The following EPHA6 variants were observed in gnomAD, a reference collection of about 807,000 sequenced individuals.
EPHA6 encodes ephrin type-A receptor 6.
A neutral mutation model predicts 112.0 loss-of-function variants in EPHA6; 50 were observed. The ratio of observed to expected loss-of-function variants is 0.45; its 90% CI spans 0.36 to 0.56. EPHA6 has a LOEUF of 0.56. Among genes scored for constraint, EPHA6 ranks in the 20% least tolerant of loss-of-function variants. The probability of loss-of-function intolerance (pLI) is 0.00; values close to 1 mark genes in which losing one functional copy is unlikely to be tolerated. For missense variants in EPHA6, 1,280 were observed against 1,417.4 expected (o/e 0.90, Z 1.56); for synonymous variants, 529 against 490.7 (o/e 1.08, Z -1.03).
chr3:96,899,183 T>G (rs2038463454), intron 2 of EPHA6, among the ~76,000 whole-genome samples: 2 of 152,132 alleles, frequency 1.3e-5, no homozygotes, highest in Admixed American at 6.6e-5. Flanking sequence ...AAGCTTCTAG[T>G]GTTTGCCTGT....
intron 2 of EPHA6, among the ~76,000 whole-genome samples, chr3:96,875,664 A>G (rs1241699805): frequency 6.6e-6 from 1 of 150,382 alleles, no homozygotes; most frequent in Non-Finnish European, 1.5e-5. Flanking sequence ...ATTTTTCAGT[A>G]TCCCCACTGT....
chr3:97,290,368 T>A (rs1186864468), intron 5 of EPHA6, among the ~76,000 whole-genome samples: 1 of 152,110 alleles, frequency 6.6e-6, no homozygotes, highest in African/African-American at 2.4e-5. Context: ...ATGTGGTGGA[T>A]CTTGGAGTGT....
chr3:97,098,662 CAAAG>C (rs1326529869), intron 3 of EPHA6, among the ~76,000 whole-genome samples: 4 of 151,590 alleles, frequency 2.6e-5, no homozygotes, highest in Admixed American at 6.6e-5. Context: ...ACCCTTATGA[CAAAG>C]AAGTCAGTAA....
chr3:97,394,348 G>A (rs929382421), intron 5 of EPHA6, among the ~76,000 whole-genome samples: 1 of 151,812 alleles, frequency 6.6e-6, no homozygotes, highest in African/African-American at 2.4e-5. Context: ...AACACTTCAA[G>A]ACATTGGTCT....
intron 11 of EPHA6, among the ~76,000 whole-genome samples, chr3:97,565,036 A>G (rs572545772): frequency 2.4e-4 from 36 of 152,172 alleles, no homozygotes; most frequent in Non-Finnish European, 3.8e-4. Context: ...CCATATACCA[A>G]GGGGAAAATT....
Position 97,756,192 on chromosome 3 carries a change from C to T in EPHA6, c.*7491C>T, listed in dbSNP as rs745977026. The stretch of plus-strand genomic sequence containing the variant: ...ATGAGGAAGTTTTTCTTTGACTGTG[C>T]ATGCTTTATTTATTACCATATTGTT... On this transcript the variant is annotated 3_prime_UTR_variant, in exon 18 of 18. Coordinates refer to ENST00000389672, the MANE Select transcript of EPHA6 (RefSeq NM_001080448.3). Among the ~76,000 whole-genome samples the T allele has an allele frequency of 1.3e-5, 2 of 151,856 alleles. No individual in the cohort carries two copies. Among genetic ancestry groups the T allele is most frequent in the Non-Finnish European group, 2.9e-5 (2 of 67,818 alleles).
intron 3 of EPHA6, among the ~76,000 whole-genome samples, chr3:97,203,357 C>A (rs1321146884): frequency 6.6e-6 from 1 of 152,026 alleles, no homozygotes; most frequent in Non-Finnish European, 1.5e-5. Context: ...GTTAGAGCCA[C>A]AGGAACTCAC....
chr3:97,336,118 TA>T (rs556643919), intron 5 of EPHA6, among the ~76,000 whole-genome samples: 1 of 152,154 alleles, frequency 6.6e-6, no homozygotes, highest in South Asian at 2.1e-4. Context: ...GCATGACTCC[TA>T]AAGCACAATT....
chr3:96,828,851 C>G (rs902059345), intron 1 of EPHA6, among the ~76,000 whole-genome samples: 3 of 152,110 alleles, frequency 2.0e-5, no homozygotes, highest in Non-Finnish European at 1.5e-5. Context: ...TACACATCCT[C>G]TTGATTTTTA....
At position 97,761,099 on chromosome 3, in the gene EPHA6, G is replaced by T. The variant is rs185618779; in HGVS notation, c.*12398G>T. The T allele has an allele frequency of 9.7e-6, 2 of 206,528 alleles. No homozygotes were observed. Among genetic ancestry groups the T allele is most frequent in the East Asian group, 1.5e-4 (2 of 13,638 alleles). The allele number at this position is 206,528 out of a possible 1,614,324, so 12.8% of individuals were successfully genotyped here. On this transcript the variant is annotated 3_prime_UTR_variant, in exon 18 of 18. Coordinates refer to ENST00000389672, the MANE Select transcript of EPHA6 (RefSeq NM_001080448.3). ...GTAGAGCTATAAACAAGGTAAAAAG[G>T]TGTTAACAATTGAACTGCAATCCTA...
chr3:97,254,511 A>G (rs1205719598), intron 5 of EPHA6, among the ~76,000 whole-genome samples: 2 of 152,122 alleles, frequency 1.3e-5, no homozygotes, highest in East Asian at 1.9e-4. Flanking sequence ...AATTTAAACT[A>G]TAACTGATGT....
chr3:97,668,942 A>AAAAAAAAAAAAC (rs1489495432), intron 14 of EPHA6, among the ~76,000 whole-genome samples: 1 of 149,324 alleles, frequency 6.7e-6, no homozygotes, highest in Non-Finnish European at 1.5e-5. Context: ...AAAAAAAAAA[A>AAAAAAAAAAAAC]AATCCACTAA....
At chr3:97,205,076 T>C (rs1370055232) in intron 3 of EPHA6, among the ~76,000 whole-genome samples, 2 of 152,106 alleles carry the variant, frequency 1.3e-5, no homozygotes, top group Non-Finnish European at 2.9e-5. Context: ...TAAATTCACT[T>C]GTTTCACAAA....
chr3:97,627,781 T>G (rs1303562617), intron 13 of EPHA6, among the ~76,000 whole-genome samples: 1 of 151,910 alleles, frequency 6.6e-6, no homozygotes. Flanking sequence ...ACAGCAATGA[T>G]TCTCATATTT....
chr3:96,944,865 G>A (rs746566280), intron 2 of EPHA6, among the ~76,000 whole-genome samples: 9 of 152,218 alleles, frequency 5.9e-5, no homozygotes, highest in East Asian at 1.9e-4. Context: ...GCTTGAACCC[G>A]GGAGGCAGAG....
intron 14 of EPHA6, among the ~76,000 whole-genome samples, chr3:97,717,072 T>C (rs2034274712): frequency 6.6e-6 from 1 of 151,308 alleles, no homozygotes; most frequent in Non-Finnish European, 1.5e-5. Flanking sequence ...TCTACTAAAA[T>C]ACAAAAAAAT....
Position 97,463,556 on chromosome 3 carries a change from G to A in EPHA6, c.1895-11796G>A, listed in dbSNP as rs537593686. 7.2e-5 allele frequency among the ~76,000 whole-genome samples: 11 copies of A among 152,174 alleles called. No homozygotes were observed. The South Asian group carries it at 1.9e-3, about 26-fold the overall frequency. ...CCAGAGAATAGAAAAGTTATCATAC[G>A]CTCATGAAGCACAAATGTTCTAAGA... On this transcript the variant is annotated intron_variant, in intron 7 of 17. Transcript: ENST00000389672.
intron 3 of EPHA6, among the ~76,000 whole-genome samples, chr3:97,028,714 A>G (rs1447346446): frequency 6.6e-6 from 1 of 152,044 alleles, no homozygotes; most frequent in Non-Finnish European, 1.5e-5. Context: ...TTTAATTTTA[A>G]TATCCTAATA....
chr3:97,276,813 T>C (rs2080098381), intron 5 of EPHA6, among the ~76,000 whole-genome samples: 1 of 152,008 alleles, frequency 6.6e-6, no homozygotes, highest in South Asian at 2.1e-4. Flanking sequence ...GCCTAAACAC[T>C]AACTGATTTG....
Sources: gnomAD v4.1 joint callset for allele counts (sites outside exome capture counted in the v4.1 genomes callset) on GRCh38, gnomAD v4.1.1 for gene constraint, MANE v1.5 for transcripts, NCBI Gene and HGNC (gene_info 2026-07-23, HGNC 2026-07-21) for gene names.